Variants in FHIP1A observed in about 807,000 individuals in gnomAD.
FHIP1A encodes the protein FHF complex subunit HOOK interacting protein 1A.
FHIP1A carries 61 observed loss-of-function variants against 88.6 expected under a neutral mutation model. The ratio of observed to expected loss-of-function variants is 0.69; its 90% CI spans 0.56 to 0.85. The LOEUF is 0.85. FHIP1A is among the 40% of genes least tolerant of loss of function. The pLI, the probability that FHIP1A is intolerant of heterozygous loss-of-function variation, is 0.00. For missense variants in FHIP1A, 1,154 were observed against 1,273.5 expected (o/e 0.91, Z 1.43); for synonymous variants, 478 against 496.0 (o/e 0.96, Z 0.48).
At chr4:151,476,564 A>G (rs981071412) in intron 2 of FHIP1A, among the ~76,000 whole-genome samples, 1 of 152,198 alleles carries the variant, frequency 6.6e-6, no homozygotes, top group Non-Finnish European at 1.5e-5. Flanking sequence ...ATTTGAGAGC[A>G]TTTCCATTAA....
At chr4:151,657,830 A>C (rs1737306589) in intron 13 of FHIP1A, among the ~76,000 whole-genome samples, 1 of 152,230 alleles carries the variant, frequency 6.6e-6, no homozygotes, top group Admixed American at 6.5e-5. Flanking sequence ...AAAGAAGCTG[A>C]AAAGAACCCA....
At chr4:151,519,718 G>A (rs1352656286) in intron 3 of FHIP1A, among the ~76,000 whole-genome samples, 6 of 152,066 alleles carry the variant, frequency 3.9e-5, no homozygotes, top group African/African-American at 1.2e-4. Flanking sequence ...TTTACCTTTT[G>A]TAAGAAACTG....
intron 1 of FHIP1A, among the ~76,000 whole-genome samples, chr4:151,420,916 G>A (rs771503519): frequency 3.9e-5 from 6 of 152,228 alleles, no homozygotes; most frequent in East Asian, 1.9e-4. Context: ...GCAGTGCTCC[G>A]GAGAGGCCTT....
In FHIP1A at chr4:151,409,216, A is replaced by G. The variant is rs1236177720; in HGVS notation, c.-605A>G. ...TCAGCCCGCGGCTGACGCACCTTCGAAAAGTTGCGCTCCGACCTTCTCACG... is the reference window on the plus strand; with the variant it reads ...TCAGCCCGCGGCTGACGCACCTTCGGAAAGTTGCGCTCCGACCTTCTCACG... On this transcript the variant is annotated 5_prime_UTR_variant, in exon 1 of 14. Coordinates refer to ENST00000435205, the MANE Select transcript of FHIP1A (RefSeq NM_001109977.3). 1 of 151,218 alleles carries G rather than the reference A, an allele frequency of 6.6e-6. No individual in the cohort carries two copies. 9.4% of individuals were successfully genotyped at this position (151,218 alleles called of 1,614,324 possible).
chr4:151,456,524 G>A (rs1378516212), intron 2 of FHIP1A, among the ~76,000 whole-genome samples: 1 of 152,026 alleles, frequency 6.6e-6, no homozygotes, highest in African/African-American at 2.4e-5. Context: ...ACTCCTTATG[G>A]GACTTCTTAA....
At chr4:151,423,958 A>G (rs1395870477) in intron 1 of FHIP1A, among the ~76,000 whole-genome samples, 3 of 152,218 alleles carry the variant, frequency 2.0e-5, no homozygotes, top group Non-Finnish European at 4.4e-5. Context: ...AATCTAAACC[A>G]TATAGAAGGG....
chr4:151,452,936 G>GTATATATATATATATATA lies in FHIP1A; in HGVS notation c.-355-1749_-355-1748insTATATATATATATATATA, dbSNP rs111734450. Among the ~76,000 whole-genome samples, 387 of 146,156 alleles carry GTATATATATATATATATA rather than the reference G, an allele frequency of 2.6e-3. 2 individuals carry two copies. Among genetic ancestry groups the GTATATATATATATATATA allele is most frequent in the African/African-American group, 9.3e-3 (355 of 38,258 alleles). Reference sequence around the variant, plus strand: ...TTCCTATGTCTGCAGACATTGAAACGTATATATATATATATACATACACAC... The same window carrying GTATATATATATATATATA: ...TTCCTATGTCTGCAGACATTGAAACGTATATATATATATATATATATATATATATATATACATACACAC... On this transcript the variant is annotated intron_variant, in intron 1 of 13. Transcript: ENST00000435205.
chr4:151,422,061 G>T (rs1484635857), intron 1 of FHIP1A, among the ~76,000 whole-genome samples: 2 of 151,688 alleles, frequency 1.3e-5, no homozygotes, highest in African/African-American at 4.8e-5. Context: ...TATATATGAG[G>T]GGTATGCTGC....
Position 151,670,352 on chromosome 4 carries a change from T to G in FHIP1A, c.*7598T>G, listed in dbSNP as rs1737820074. ...CCAAGCAAAACAAGTCAATTTCATGTTACAACTTTTTTCTTGTTTCTTTTT... is the reference window on the plus strand; with the variant it reads ...CCAAGCAAAACAAGTCAATTTCATGGTACAACTTTTTTCTTGTTTCTTTTT... On this transcript the variant is annotated 3_prime_UTR_variant, in exon 14 of 14. Coordinates refer to ENST00000435205, the MANE Select transcript of FHIP1A (RefSeq NM_001109977.3). 1 of 152,182 alleles carries G rather than the reference T, an allele frequency of 6.6e-6. No individual in the cohort carries two copies. The highest frequency in any genetic ancestry group is 1.5e-5 in the Non-Finnish European group (1 of 68,026). The allele number at this position is 152,182 out of a possible 1,614,324, so 9.4% of individuals were successfully genotyped here.
chr4:151,506,458 G>C (rs1434880399), intron 3 of FHIP1A, among the ~76,000 whole-genome samples: 2 of 152,168 alleles, frequency 1.3e-5, no homozygotes, highest in African/African-American at 4.8e-5. Context: ...TTTGGCTCAT[G>C]GTTCTGTAGG....
chr4:151,668,835 C>T lies in FHIP1A; in HGVS notation c.*6081C>T, dbSNP rs576948349. Among the ~76,000 whole-genome samples, 61 of 152,348 alleles carry T rather than the reference C, an allele frequency of 4.0e-4. No individual in the cohort carries two copies. In the South Asian group the frequency reaches 0.011, roughly 28 times the overall value. ...CAGGCAACAGAACACAGGGTTTGGG[C>T]CTGACCAGGCAGAGCTGGTTCAAGC... On this transcript the variant is annotated 3_prime_UTR_variant, in exon 14 of 14. Coordinates refer to ENST00000435205, the MANE Select transcript of FHIP1A (RefSeq NM_001109977.3).
At chr4:151,500,675 G>T (rs992089702) in intron 3 of FHIP1A, among the ~76,000 whole-genome samples, 3 of 152,062 alleles carry the variant, frequency 2.0e-5, no homozygotes, top group East Asian at 1.9e-4. Context: ...GAAGCCTAAG[G>T]TACTATTAAT....
intron 7 of FHIP1A, among the ~76,000 whole-genome samples, chr4:151,625,321 G>T (rs144906230): frequency 6.6e-6 from 1 of 152,242 alleles, no homozygotes; most frequent in Non-Finnish European, 1.5e-5. Context: ...CTAATTTGGA[G>T]AGGGTGCCAC....
At chr4:151,436,884 A>C (rs866502168) in intron 1 of FHIP1A, among the ~76,000 whole-genome samples, 1 of 152,196 alleles carries the variant, frequency 6.6e-6, no homozygotes, top group African/African-American at 2.4e-5. Context: ...TAGTATTTGC[A>C]TATAACCTAC....
chr4:151,568,537 G>A (rs899711597), intron 4 of FHIP1A, among the ~76,000 whole-genome samples: 52 of 152,274 alleles, frequency 3.4e-4, no homozygotes, highest in Middle Eastern at 6.8e-3. Flanking sequence ...GAATGTAAAA[G>A]TGTTATTGTT....
intron 1 of FHIP1A, among the ~76,000 whole-genome samples, chr4:151,422,651 A>G (rs1733215589): frequency 6.6e-6 from 1 of 152,144 alleles, no homozygotes; most frequent in African/African-American, 2.4e-5. Context: ...TCAGCCTCCC[A>G]AAGTGTTGGG....
chr4:151,567,813 A>G (rs954607454), intron 4 of FHIP1A, among the ~76,000 whole-genome samples: 2 of 152,180 alleles, frequency 1.3e-5, no homozygotes, highest in African/African-American at 4.8e-5. Flanking sequence ...TAAAAAATCT[A>G]TTAGTGCATA....
At chr4:151,644,695 C>T (rs1262009939) in intron 9 of FHIP1A, among the ~76,000 whole-genome samples, 1 of 152,180 alleles carries the variant, frequency 6.6e-6, no homozygotes, top group Non-Finnish European at 1.5e-5. Flanking sequence ...AAATCTCCCA[C>T]CACGGTTGCC....
intron 1 of FHIP1A, among the ~76,000 whole-genome samples, chr4:151,438,207 G>C (rs1276557293): frequency 2.0e-5 from 3 of 152,094 alleles, no homozygotes; most frequent in African/African-American, 7.2e-5. Flanking sequence ...CATCTCTAAG[G>C]TGCTTTTAAG....
Sources: allele counts gnomAD v4.1 joint callset (sites outside exome capture counted in the v4.1 genomes callset), GRCh38; gene constraint gnomAD v4.1.1; transcripts MANE v1.5; gene names NCBI Gene and HGNC (gene_info 2026-07-23, HGNC 2026-07-21).